Variants in CCDC194 observed in about 807,000 individuals in gnomAD.
CCDC194 encodes the protein coiled-coil domain containing 194.
CCDC194 carries 8 observed loss-of-function variants against 4.9 expected under a neutral mutation model. That is an observed-to-expected ratio of 1.65 (90% CI 0.97 to 2.97). CCDC194 has a LOEUF of 2.97. Ranked by LOEUF, CCDC194 falls within the 30% of genes most tolerant of loss-of-function variation. The pLI, the probability that CCDC194 is intolerant of heterozygous loss-of-function variation, is 0.00. For synonymous variants in CCDC194, 13 were observed against 17.0 expected (o/e 0.76, Z 0.58); for missense variants, 52 against 43.1 (o/e 1.21, Z -0.58).
downstream of CCDC194, among the ~76,000 whole-genome samples, chr19:17,389,404 T>C (rs543779845): frequency 5.3e-5 from 8 of 152,328 alleles, no homozygotes. Context: ...TTGACCCATA[T>C]AAACAGCTCT....
At chr19:17,387,951 A>T (rs941622480), downstream of CCDC194, among the ~76,000 whole-genome samples, 5 of 151,588 alleles carry the variant, frequency 3.3e-5, no homozygotes, top group African/African-American at 9.7e-5. Context: ...CAGTGGTGCG[A>T]TCTCAGATCA....
intron 1 of CCDC194, among the ~76,000 whole-genome samples, chr19:17,393,406 T>C (rs10403269): frequency 0.03 from 2,699 of 90,370 alleles, 82 homozygotes; most frequent in African/African-American, 0.074. Flanking sequence ...TTTTTTTTTT[T>C]CAGATGGAGT....
At position 17,390,720 on chromosome 19, in the gene CCDC194, C is replaced by T; in HGVS notation, c.555-61G>A. The T allele has an allele frequency of 2.5e-6, 1 of 394,286 alleles. No individual in the cohort carries two copies. The highest frequency in any genetic ancestry group is 4.5e-6 in the Non-Finnish European group (1 of 223,066). The allele number at this position is 394,286 out of a possible 1,614,324, so 24.4% of individuals were successfully genotyped here. On this transcript the variant is annotated intron_variant, in intron 3 of 3. Coordinates refer to ENST00000636079, the Ensembl canonical transcript of CCDC194. This position sits in a 1 kb window ranked among gnomAD's most constrained non-coding sequence, Gnocchi z 5.5. ...GACCCCTGTCCCCAGACATCGCCAG[C>T]CCTCATCCGCCAGAGCGTCCCTTTG...
downstream of CCDC194, among the ~76,000 whole-genome samples, chr19:17,389,775 G>GC (rs1342029754): frequency 6.6e-6 from 1 of 152,154 alleles, no homozygotes; most frequent in African/African-American, 2.4e-5. Context: ...GACCAGCCTG[G>GC]CCAACATGGT....
chr19:17,394,036 C>G lies in CCDC194; in HGVS notation c.123G>C (p.Ser41=), dbSNP rs993105175. The G allele has an allele frequency of 4.6e-5, 18 of 389,286 alleles. No individual in the cohort carries two copies. The Admixed American group carries it at 6.3e-4, about 14-fold the overall frequency. 24.1% of individuals were successfully genotyped at this position (389,286 alleles called of 1,614,324 possible). ...CCGGGCAGCGAGGTCCCCGAGCAGC[C>G]GAGGCGGCCAGATTCCAGGCTACCA... is the stretch of plus-strand genomic sequence containing the variant. Residue 41 remains serine, a synonymous_variant, in exon 1 of 4, where the codon TCG becomes TCC. Transcript: ENST00000636079.
chr19:17,387,846 G>A (rs1324444917), downstream of CCDC194, among the ~76,000 whole-genome samples: 2 of 152,080 alleles, frequency 1.3e-5, no homozygotes, highest in Non-Finnish European at 2.9e-5. Context: ...GTTCCACTGT[G>A]GATGGACAGA....
Position 17,391,191 on chromosome 19 carries a change from C to A in CCDC194, c.554+20G>T. On this transcript the variant is annotated intron_variant, in intron 3 of 3. Coordinates refer to ENST00000636079, the Ensembl canonical transcript of CCDC194. ...CTCCCCGTCCATCCGACCCCGCCCTCGGGCCAGCCCCTCACTCACAGGCGT... is the reference window on the plus strand; with the variant it reads ...CTCCCCGTCCATCCGACCCCGCCCTAGGGCCAGCCCCTCACTCACAGGCGT... The A allele has an allele frequency of 7.5e-6, 3 of 397,492 alleles. No homozygotes were observed. Among genetic ancestry groups the A allele is most frequent in the Non-Finnish European group, 1.3e-5 (3 of 225,344 alleles). 24.6% of individuals were successfully genotyped at this position (397,492 alleles called of 1,614,324 possible).
At chr19:17,390,425 G>C, downstream of CCDC194, 1 of 382,830 alleles carries the variant, frequency 2.6e-6, no homozygotes, top group Non-Finnish European at 4.6e-6. The surrounding 1 kb of genome is among the most constrained non-coding windows in gnomAD (Gnocchi z 5.5). Flanking sequence ...CATCCAGCGT[G>C]GGGGTGCCTC....
chr19:17,393,876 G>A, exon 1 of CCDC194: 1 of 397,782 alleles, frequency 2.5e-6, no homozygotes, highest in Non-Finnish European at 4.4e-6. Flanking sequence ...TCCAACTCGT[G>A]CCGGATACTT....
chr19:17,391,537 C>T, intron 2 of CCDC194, 194 bp from the exon 3 acceptor site: 3 of 1,178,142 alleles, frequency 2.5e-6, no homozygotes, highest in Non-Finnish European at 3.5e-6. Flanking sequence ...TTTCGTGAGT[C>T]GTTTACAAGG....
At chr19:17,388,463 G>A (rs942708270), downstream of CCDC194, among the ~76,000 whole-genome samples, 1 of 150,776 alleles carries the variant, frequency 6.6e-6, no homozygotes, top group Admixed American at 6.6e-5. Flanking sequence ...ACCCTAGCAC[G>A]ATCTTGGCTC....
chr19:17,391,228 C>A, exon 3 of CCDC194: 1 of 400,876 alleles, frequency 2.5e-6, no homozygotes, highest in Non-Finnish European at 4.4e-6. Context: ...CGCGCAGCGC[C>A]GCCTCCCGGG....
chr19:17,392,712 A>G (rs2074659442), intron 1 of CCDC194, among the ~76,000 whole-genome samples: 1 of 151,880 alleles, frequency 6.6e-6, no homozygotes, highest in Non-Finnish European at 1.5e-5. Context: ...GAAAAGGGGT[A>G]GGGGTTTATT....
downstream of CCDC194, among the ~76,000 whole-genome samples, chr19:17,389,826 G>A (rs554617975): frequency 6.6e-6 from 1 of 152,292 alleles, no homozygotes; most frequent in African/African-American, 2.4e-5. Flanking sequence ...TCAGCTGGGC[G>A]TAGTGGTGGG....
chr19:17,389,042 G>C (rs766189676), downstream of CCDC194, among the ~76,000 whole-genome samples: 2 of 152,030 alleles, frequency 1.3e-5, no homozygotes, highest in African/African-American at 4.8e-5. Flanking sequence ...TTCTTGCTAT[G>C]GTGCCCAGGC....
At chr19:17,387,849 T>A (rs980368438), downstream of CCDC194, among the ~76,000 whole-genome samples, 1 of 152,198 alleles carries the variant, frequency 6.6e-6, no homozygotes, top group Non-Finnish European at 1.5e-5. Context: ...CCACTGTGGA[T>A]GGACAGACAC....
chr19:17,393,501 G>C lies in CCDC194; in HGVS notation c.324+334C>G, dbSNP rs906008508. Among the ~76,000 whole-genome samples the C allele has an allele frequency of 3.4e-5, 5 of 148,954 alleles. No individual in the cohort carries two copies. The East Asian group carries it at 1.0e-3, about 31-fold the overall frequency. Reference sequence around the variant, plus strand: ...CCTTCCGGGTTCAAGCGATTCTCCCGCGTTAGCCTCCTGAGGAGCTGGGAT... The same window carrying C: ...CCTTCCGGGTTCAAGCGATTCTCCCCCGTTAGCCTCCTGAGGAGCTGGGAT... On this transcript the variant is annotated intron_variant, in intron 1 of 3. Coordinates refer to ENST00000636079, the Ensembl canonical transcript of CCDC194.
chr19:17,390,211 T>C, downstream of CCDC194, among the ~76,000 whole-genome samples: 1 of 152,158 alleles, frequency 6.6e-6, no homozygotes, highest in South Asian at 2.1e-4. This position sits in a 1 kb window ranked among gnomAD's most constrained non-coding sequence, Gnocchi z 5.5. Flanking sequence ...AGACCTCCAG[T>C]CCTCATATCT....
intron 1 of CCDC194, 175 bp from the exon 2 acceptor site, chr19:17,392,021 G>T (rs1375492493): frequency 1.7e-6 from 1 of 586,354 alleles, no homozygotes; most frequent in African/African-American, 1.9e-5. Context: ...CTGAAGCCTG[G>T]GGCACCGAGT....
Sources: gnomAD v4.1 joint callset for allele counts (sites outside exome capture counted in the v4.1 genomes callset) on GRCh38, gnomAD v4.1.1 for gene constraint, Gnocchi (gnomAD v3.1) non-coding constraint, MANE v1.5 for transcripts, NCBI Gene and HGNC (gene_info 2026-07-23, HGNC 2026-07-21) for gene names.